Variants in RFX7 observed in about 807,000 individuals in gnomAD.
The protein encoded by RFX7 is DNA-binding protein RFX7.
In RFX7, 26 loss-of-function variants were observed where a neutral mutation model predicts 111.8. The observed-to-expected ratio is 0.23, with a 90% CI of 0.17 to 0.32. RFX7 has a LOEUF of 0.32. Among genes scored for constraint, RFX7 ranks in the 10% least tolerant of loss-of-function variants. RFX7 has a pLI of 1.00. For missense variants in RFX7, 1,573 were observed against 1,772.9 expected (o/e 0.89, Z 2.02); for synonymous variants, 624 against 624.4 (o/e 1.00, Z 0.01).
At chr15:56,127,650 C>A (rs1392978613) in intron 5 of RFX7, among the ~76,000 whole-genome samples, 3 of 150,984 alleles carry the variant, frequency 2.0e-5, no homozygotes, top group Non-Finnish European at 4.4e-5. Context: ...CAGGTTCATG[C>A]CATTCTCCTG....
chr15:56,138,263 G>A (rs1266790814), intron 5 of RFX7, among the ~76,000 whole-genome samples: 3 of 139,512 alleles, frequency 2.2e-5, no homozygotes, highest in East Asian at 4.6e-4. Flanking sequence ...TCTCTTTGTA[G>A]GTCACTCAGG....
chr15:56,234,136 A>C (rs1350766780), intron 2 of RFX7, among the ~76,000 whole-genome samples: 1 of 152,202 alleles, frequency 6.6e-6, no homozygotes, highest in Admixed American at 6.5e-5. Flanking sequence ...GTCCTCACTG[A>C]ATCTCTCCCT....
At chr15:56,118,713 C>A (rs72736495) in intron 5 of RFX7, among the ~76,000 whole-genome samples, 19,772 of 152,136 alleles carry the variant, frequency 0.13, 1,657 homozygotes, top group East Asian at 0.43. Context: ...ATATACCTAG[C>A]AGTGGTATTG....
At chr15:56,199,772 C>CCT (rs80092666) in intron 2 of RFX7, among the ~76,000 whole-genome samples, 19,769 of 151,928 alleles carry the variant, frequency 0.13, 1,663 homozygotes, top group East Asian at 0.43. Flanking sequence ...TCATTTTTCC[C>CCT]GAGGCATACT....
chr15:56,135,827 T>A lies in RFX7; in HGVS notation c.401+6951A>T, dbSNP rs2042293808. Reference sequence around the variant, plus strand: ...AGGAAGGGATCCAGTTTCAGCTTTCTACATATGGCTAGCCAGTTTTCCCAG... The same window carrying A: ...AGGAAGGGATCCAGTTTCAGCTTTCAACATATGGCTAGCCAGTTTTCCCAG... On this transcript the variant is annotated intron_variant, in intron 5 of 9. Transcript: ENST00000559447. Among the ~76,000 whole-genome samples, 8 of 152,214 alleles carry A rather than the reference T, an allele frequency of 5.3e-5. 1 individual carries two copies. The South Asian group carries it at 1.7e-3, about 32-fold the overall frequency.
chr15:56,226,456 G>C (rs1399487796), intron 2 of RFX7, among the ~76,000 whole-genome samples: 2 of 152,176 alleles, frequency 1.3e-5, no homozygotes, highest in Non-Finnish European at 2.9e-5. Context: ...TTTGGAAAGA[G>C]TGACAAACAG....
At chr15:56,184,561 C>A (rs1199395259) in intron 2 of RFX7, among the ~76,000 whole-genome samples, 3 of 152,046 alleles carry the variant, frequency 2.0e-5, no homozygotes, top group Non-Finnish European at 4.4e-5. Flanking sequence ...AAGAATAATT[C>A]TGGTAACATC....
At chr15:56,169,916 G>GAAA (rs1177132758) in intron 3 of RFX7, among the ~76,000 whole-genome samples, 1 of 138,090 alleles carries the variant, frequency 7.2e-6, no homozygotes. Flanking sequence ...GGCAGAAACA[G>GAAA]AAAAAAAAAA....
At chr15:56,100,617 T>G (rs891126948) in intron 8 of RFX7, among the ~76,000 whole-genome samples, 15 of 152,244 alleles carry the variant, frequency 9.9e-5, no homozygotes, top group African/African-American at 3.6e-4. Flanking sequence ...CTCTGATCAC[T>G]ATATCACTAC....
chr15:56,210,763 C>G (rs1464606210), intron 2 of RFX7, among the ~76,000 whole-genome samples: 1 of 151,878 alleles, frequency 6.6e-6, no homozygotes, highest in Non-Finnish European at 1.5e-5. Flanking sequence ...AATGAAAACG[C>G]AACATGTCAA....
At chr15:56,132,213 G>A (rs1314410563) in intron 5 of RFX7, among the ~76,000 whole-genome samples, 1 of 151,880 alleles carries the variant, frequency 6.6e-6, no homozygotes, top group South Asian at 2.1e-4. Context: ...TTTAAAATCA[G>A]AAAACTGATT....
In RFX7 at chr15:56,093,242, A is replaced by C. The variant is rs2041619399; in HGVS notation, c.*103T>G. The C allele has an allele frequency of 9.4e-7, 1 of 1,067,594 alleles. No individual in the cohort carries two copies. Among genetic ancestry groups the C allele is most frequent in the Non-Finnish European group, 1.3e-6 (1 of 765,738 alleles). The allele number at this position is 1,067,594 out of a possible 1,614,324, so 66.1% of individuals were successfully genotyped here. A position where few individuals can be genotyped will look rare whatever the true frequency, so the allele number is the denominator to read the frequency against. ...CACTTCTGCAGCAAACGCTTTTAAA[A>C]TGTCACAATTAATAGTATTTCTGCT... On this transcript the variant is annotated 3_prime_UTR_variant, in exon 10 of 10. Coordinates refer to ENST00000559447, the MANE Select transcript of RFX7 (RefSeq NM_022841.7).
At chr15:56,205,209 G>A (rs1174482812) in intron 2 of RFX7, among the ~76,000 whole-genome samples, 1 of 152,170 alleles carries the variant, frequency 6.6e-6, no homozygotes, top group Non-Finnish European at 1.5e-5. Flanking sequence ...TAACACTTTA[G>A]TTTTCAGAGC....
chr15:56,098,526 C>T (rs2041712449), intron 8 of RFX7, 150 bp from the exon 9 acceptor site: 1 of 726,520 alleles, frequency 1.4e-6, no homozygotes, highest in Non-Finnish European at 2.2e-6. Flanking sequence ...AAGCATTAGA[C>T]TTCGAATTTA....
intron 2 of RFX7, among the ~76,000 whole-genome samples, chr15:56,232,254 G>C (rs1166655841): frequency 1.3e-5 from 2 of 152,148 alleles, no homozygotes; most frequent in Non-Finnish European, 2.9e-5. Flanking sequence ...GGTTTCATGA[G>C]GGCTCCACCT....
At chr15:56,139,014 G>T (rs2042348154) in intron 5 of RFX7, among the ~76,000 whole-genome samples, 1 of 151,678 alleles carries the variant, frequency 6.6e-6, no homozygotes, top group Admixed American at 6.6e-5. Flanking sequence ...TCCCATTGAG[G>T]GTAACCCGAC....
At position 56,095,226 on chromosome 15, in the gene RFX7, C is replaced by A; in HGVS notation, c.2502G>T (p.Gln834His). 6.2e-7 allele frequency: 1 copy of A among 1,613,894 alleles called. No individual in the cohort carries two copies. The highest frequency in any genetic ancestry group is 8.5e-7 in the Non-Finnish European group (1 of 1,179,782). The change falls in exon 10 of 10, where the codon CAG becomes CAT. Residue 834 changes from glutamine to histidine, a missense_variant. By Grantham distance (24) the Gln-to-His change is conservative. Transcript: ENST00000559447. ...EGMPQDTYSQ[Q>H]LHSQIQESSL... ...AAGATTCCTGTATCTGGCTATGTAGCTGCTGGCTATATGTGTCCTGTGGCA... is the reference window on the plus strand; with the variant it reads ...AAGATTCCTGTATCTGGCTATGTAGATGCTGGCTATATGTGTCCTGTGGCA...
chr15:56,129,421 T>C (rs369185612), intron 5 of RFX7, among the ~76,000 whole-genome samples: 4 of 151,922 alleles, frequency 2.6e-5, no homozygotes, highest in African/African-American at 7.3e-5. Context: ...ATGAATTTTA[T>C]AGAACTCATG....
rs763813549 is a variant in RFX7 at position 56,101,365 on chromosome 15, GTGC to G, written c.802_804del (p.Ala268del). On this transcript the variant is annotated inframe_deletion, in exon 8 of 10. Coordinates refer to ENST00000559447, the MANE Select transcript of RFX7 (RefSeq NM_022841.7). ...GTTCACAGTAATGTTGTACCTGCTG[GTGC>G]TGCTGCCATTACAGTTAGAGCTGCC... 3 of 1,587,390 alleles carry G rather than the reference GTGC, an allele frequency of 1.9e-6. No homozygotes were observed. In the Admixed American group the frequency reaches 5.4e-5, roughly 29 times the overall value.
Sources: allele counts gnomAD v4.1 joint callset (sites outside exome capture counted in the v4.1 genomes callset), GRCh38; gene constraint gnomAD v4.1.1; transcripts MANE v1.5; gene names NCBI Gene and HGNC (gene_info 2026-07-23, HGNC 2026-07-21).